Variants in SPINDOC observed in about 807,000 individuals in gnomAD.
SPINDOC encodes the protein spindlin interactor and repressor of chromatin binding.
In SPINDOC, 13 loss-of-function variants were observed where a neutral mutation model predicts 30.7. The ratio of observed to expected loss-of-function variants is 0.42; its 90% CI spans 0.28 to 0.67. SPINDOC has a LOEUF of 0.67. SPINDOC is among the 30% of genes least tolerant of loss of function. The pLI is 0.22. For synonymous variants in SPINDOC, 228 were observed against 211.4 expected, an observed-to-expected ratio of 1.08 and a Z score of -0.68; for missense variants, 438 against 518.0, an observed-to-expected ratio of 0.85 and a Z score of 1.50.
chr11:63,817,162 CAAAATGAGA>C (rs879908298), intron 1 of SPINDOC, among the ~76,000 whole-genome samples: 4 of 151,158 alleles, frequency 2.6e-5, no homozygotes, highest in Non-Finnish European at 5.9e-5. Context: ...GCCTGGGTGA[CAAAATGAGA>C]CCCCCATCTT....
chr11:63,823,608 A>T (rs1230138833), intron 5 of SPINDOC, among the ~76,000 whole-genome samples: 1 of 151,660 alleles, frequency 6.6e-6, no homozygotes, highest in Non-Finnish European at 1.5e-5. Context: ...TCTTTTTTTT[A>T]TTTTGGAGAT....
At chr11:63,817,743 T>C in intron 1 of SPINDOC, 62 bp from the exon 2 acceptor site, 3 of 1,394,720 alleles carry the variant, frequency 2.2e-6, no homozygotes, top group Non-Finnish European at 2.9e-6. Context: ...TCTGGAGACG[T>C]GCTAAGTGTT....
chr11:63,824,038 G>A (rs1863154158), intron 5 of SPINDOC, among the ~76,000 whole-genome samples: 1 of 152,116 alleles, frequency 6.6e-6, no homozygotes, highest in African/African-American at 2.4e-5. Context: ...CTCCTGAGTA[G>A]CTGGGATTAC....
chr11:63,818,344 C>T lies in SPINDOC; in HGVS notation c.586C>T (p.Leu196Phe), dbSNP rs1295018424. 74 of 1,613,814 alleles carry T rather than the reference C, an allele frequency of 4.6e-5. No individual in the cohort carries two copies. The highest frequency in any genetic ancestry group is 6.0e-5 in the Non-Finnish European group (71 of 1,179,968). Reference sequence around the variant, plus strand: ...CCCTAAAAGGAGCCGGCCCAGGGGACTCCGCCCCCTCGAGCTTCCTGGTTA... The same window carrying T: ...CCCTAAAAGGAGCCGGCCCAGGGGATTCCGCCCCCTCGAGCTTCCTGGTTA... ...SLPKRSRPRGLRPLELPAVPA... is the reference protein window; with the variant it reads ...SLPKRSRPRGFRPLELPAVPA... Residue 196 changes from leucine to phenylalanine, a missense_variant, in exon 3 of 6, where the codon CTC (leucine) becomes TTC (phenylalanine). This residue lies in a region of SPINDOC where 300 missense variants were observed against 332.8 expected (regional missense o/e 0.90). Transcript: ENST00000294244. The surrounding 1 kb of genome is among the most constrained non-coding windows in gnomAD (Gnocchi z 5.3).
In SPINDOC at chr11:63,827,133, A is replaced by G. The variant is rs1352297499; in HGVS notation, c.1140A>G (p.Gly380=). Residue 380 remains glycine, a synonymous_variant, in exon 6 of 6, where the codon GGA becomes GGG. Transcript: ENST00000294244. ...TVAGKPEKGN[G]V is the part of the protein sequence containing the mutation. ...CAGGGAAGCCGGAAAAAGGGAATGG[A>G]GTGTAAATTCTTGCTTTCCTGGGGA... The G allele has an allele frequency of 2.4e-6, 2 of 830,722 alleles. No homozygotes were observed. Among genetic ancestry groups the G allele is most frequent in the Non-Finnish European group, 3.8e-6 (2 of 533,008 alleles). 51.5% of individuals were successfully genotyped at this position (830,722 alleles called of 1,614,324 possible).
chr11:63,815,832 A>G lies in SPINDOC; in HGVS notation c.128-1973A>G, dbSNP rs146302857. On this transcript the variant is annotated intron_variant, in intron 1 of 5. Coordinates refer to ENST00000294244, the MANE Select transcript of SPINDOC (RefSeq NM_138471.3). ...GCCCAAGCTGTAGTGCAATGGCACA[A>G]TCTCGGCTCACTGCAACCTTCGCCT... Among the ~76,000 whole-genome samples, 583 of 152,112 alleles carry G rather than the reference A, an allele frequency of 3.8e-3. 6 individuals carry two copies. The highest frequency in any genetic ancestry group is 0.013 in the African/African-American group (540 of 41,500).
chr11:63,819,154 C>T (rs894507126), intron 5 of SPINDOC, 152 bp downstream of exon 5: 30 of 676,122 alleles, frequency 4.4e-5, no homozygotes, highest in Middle Eastern at 4.1e-4. Context: ...TACACGGGGC[C>T]GGGGCAGGGG....
chr11:63,822,356 TAAAAAAAAAAAAAAAAAA>T (rs753315518), intron 5 of SPINDOC, among the ~76,000 whole-genome samples: 7 of 58,824 alleles, frequency 1.2e-4, no homozygotes, highest in Non-Finnish European at 2.2e-4. Flanking sequence ...CTAGACTGTC[TAAAAAAAAAAAAAAAAAA>T]AAAAAAGAAA....
At chr11:63,823,091 G>A (rs2015571270) in intron 5 of SPINDOC, 1 of 1,248,392 alleles carries the variant, frequency 8.0e-7, no homozygotes, top group African/African-American at 1.5e-5. Context: ...CCTGGGAGAT[G>A]GCATGAGTGA....
chr11:63,815,233 TG>T (rs2135132623), intron 1 of SPINDOC, among the ~76,000 whole-genome samples: 1 of 152,272 alleles, frequency 6.6e-6, no homozygotes, highest in Admixed American at 6.5e-5. Context: ...CCGAAGGAAG[TG>T]AGGATGCCAA....
chr11:63,817,820 A>G lies in SPINDOC; in HGVS notation c.143A>G (p.Lys48Arg). ...CCCCTCGCAGTGACCCAACAGGAGA[A>G]GACCCCACCGCCTAGACCCAGCCCG... is the stretch of plus-strand genomic sequence containing the variant. The part of the protein sequence containing the change: ...EPMLRVTQQE[K>R]TPPPRPSPLE... Residue 48 changes from lysine to arginine, a missense_variant, in exon 2 of 6, where the codon AAG becomes AGG. Physicochemically the swap from Lys to Arg is conservative, Grantham distance 26. This residue lies in a region of SPINDOC where 129 missense variants were observed against 152.7 expected (regional missense o/e 0.84). Transcript: ENST00000294244. The G allele has an allele frequency of 6.3e-7, 1 of 1,589,584 alleles. No individual in the cohort carries two copies. The highest frequency in any genetic ancestry group is 1.8e-5 in the Admixed American group (1 of 55,748).
intron 5 of SPINDOC, among the ~76,000 whole-genome samples, chr11:63,826,619 G>A (rs1390681010): frequency 6.6e-6 from 1 of 152,186 alleles, no homozygotes; most frequent in African/African-American, 2.4e-5. Flanking sequence ...CTGCAGGTAG[G>A]AGTTACAGGA....
intron 1 of SPINDOC, 65 bp from the exon 2 acceptor site, chr11:63,817,740 A>T: frequency 7.3e-7 from 1 of 1,373,354 alleles, no homozygotes; most frequent in Non-Finnish European, 9.9e-7. Context: ...GAGTCTGGAG[A>T]CGTGCTAAGT....
intron 5 of SPINDOC, among the ~76,000 whole-genome samples, chr11:63,825,629 T>C (rs2015637761): frequency 6.6e-6 from 1 of 152,190 alleles, no homozygotes; most frequent in East Asian, 1.9e-4. Flanking sequence ...ACTCAATAAA[T>C]TATTGTCAAA....
chr11:63,822,579 C>A (rs1565078796), intron 5 of SPINDOC: 1 of 1,287,584 alleles, frequency 7.8e-7, no homozygotes, highest in Non-Finnish European at 1.0e-6. Context: ...GTTTTCTGAT[C>A]TCGAGGCAGG....
Position 63,818,717 on chromosome 11 carries a change from T to C in SPINDOC, c.733+65T>C. The C allele has an allele frequency of 3.1e-6, 5 of 1,611,642 alleles. No individual in the cohort carries two copies. Among genetic ancestry groups the C allele is most frequent in the Non-Finnish European group, 4.2e-6 (5 of 1,179,330 alleles). On this transcript the variant is annotated intron_variant, in intron 4 of 5. Transcript: ENST00000294244. The surrounding 1 kb of genome is among the most constrained non-coding windows in gnomAD (Gnocchi z 5.3). ...AGTGCTCTGAGGAAATCCGCATCAGTGAGGATGGAGCAGGGCCTGGGCGCA... is the reference window on the plus strand; with the variant it reads ...AGTGCTCTGAGGAAATCCGCATCAGCGAGGATGGAGCAGGGCCTGGGCGCA...
intron 5 of SPINDOC, among the ~76,000 whole-genome samples, chr11:63,826,037 C>T (rs2015647671): frequency 6.6e-6 from 1 of 151,910 alleles, no homozygotes; most frequent in African/African-American, 2.4e-5. Flanking sequence ...CTCCCAGGTT[C>T]ACGCGACTCT....
At chr11:63,825,168 T>C (rs2015624028) in intron 5 of SPINDOC, among the ~76,000 whole-genome samples, 1 of 152,216 alleles carries the variant, frequency 6.6e-6, no homozygotes, top group Non-Finnish European at 1.5e-5. Flanking sequence ...ATGGCCTTTC[T>C]GTGCTGCTCC....
At chr11:63,823,815 G>GTCTC (rs1386560211) in intron 5 of SPINDOC, among the ~76,000 whole-genome samples, 2 of 151,912 alleles carry the variant, frequency 1.3e-5, no homozygotes, top group African/African-American at 4.8e-5. Context: ...AGCCAGGATG[G>GTCTC]TCTCGATCTC....
Sources: gnomAD v4.1 joint callset for allele counts (sites outside exome capture counted in the v4.1 genomes callset) on GRCh38, gnomAD v4.1.1 for gene constraint, gnomAD v4.1.1 regional missense constraint, Gnocchi (gnomAD v3.1) non-coding constraint, MANE v1.5 for transcripts, NCBI Gene and HGNC (gene_info 2026-07-23, HGNC 2026-07-21) for gene names.